NBPF11: variants seen among roughly 807,000 people sequenced by gnomAD.
NBPF11 encodes NBPF family member NBPF11.
In NBPF11, 72 loss-of-function variants were observed where a neutral mutation model predicts 93.9. The observed-to-expected ratio is 0.77, with a 90% confidence interval of 0.63 to 0.93. NBPF11 has a LOEUF of 0.93. Among genes scored for constraint, NBPF11 ranks in the 40% least tolerant of loss-of-function variants. The probability of loss-of-function intolerance (pLI) is 0.00; values close to 1 mark genes in which losing one functional copy is unlikely to be tolerated. For synonymous variants in NBPF11, 224 were observed against 304.9 expected (o/e 0.73, Z 2.76); for missense variants, 705 against 802.2 (o/e 0.88, Z 1.46).
chr1:148,119,365 G>A (rs1215210639), intron 10 of NBPF11, among the ~76,000 whole-genome samples: 11 of 152,048 alleles, frequency 7.2e-5, no homozygotes, highest in African/African-American at 2.2e-4. Flanking sequence ...GCCAATAAAC[G>A]TTCTAGGAGA....
chr1:148,108,818 AGG>A (rs1664471476), intron 17 of NBPF11, among the ~76,000 whole-genome samples, 164 bp from the exon 18 acceptor site: 2 of 147,336 alleles, frequency 1.4e-5, no homozygotes, highest in Non-Finnish European at 3.0e-5. Context: ...GACTAGGGCC[AGG>A]TAGAAAAGGA....
chr1:148,117,026 C>A (rs1172015133), intron 12 of NBPF11, among the ~76,000 whole-genome samples: 1 of 152,108 alleles, frequency 6.6e-6, no homozygotes, highest in Non-Finnish European at 1.5e-5. Flanking sequence ...TGAAGCACTT[C>A]CTACCACAAA....
intron 4 of NBPF11, among the ~76,000 whole-genome samples, chr1:148,131,193 T>C (rs1425477707): frequency 6.8e-5 from 10 of 147,322 alleles, no homozygotes; most frequent in Non-Finnish European, 1.5e-4. Context: ...AGTGCCCTTA[T>C]ACAAAGGCTG....
chr1:148,130,899 T>G (rs1478547176), intron 4 of NBPF11, among the ~76,000 whole-genome samples: 1 of 152,012 alleles, frequency 6.6e-6, no homozygotes, highest in Non-Finnish European at 1.5e-5. Flanking sequence ...TGTTCTTTTG[T>G]GTCTGCCTTC....
intron 14 of NBPF11, among the ~76,000 whole-genome samples, chr1:148,115,418 C>A (rs1297831427): frequency 1.3e-5 from 2 of 149,898 alleles, no homozygotes; most frequent in Non-Finnish European, 3.0e-5. Flanking sequence ...TTTCCAAATA[C>A]AAAGGCAAGG....
intron 19 of NBPF11, among the ~76,000 whole-genome samples, chr1:148,107,405 G>A (rs1376290222): frequency 4.0e-5 from 6 of 151,134 alleles, no homozygotes; most frequent in Admixed American, 2.6e-4. Flanking sequence ...TAGTGCCCTC[G>A]GGACACACAG....
chr1:148,118,132 G>A (rs1351665422), intron 11 of NBPF11, among the ~76,000 whole-genome samples: 7 of 146,742 alleles, frequency 4.8e-5, no homozygotes, highest in East Asian at 2.0e-4. Context: ...TGCATCTTGC[G>A]GCCATTAGAT....
chr1:148,148,477 G>T (rs1647312057), intron 1 of NBPF11, among the ~76,000 whole-genome samples: 2 of 152,038 alleles, frequency 1.3e-5, no homozygotes, highest in Middle Eastern at 3.2e-3. Context: ...TGACCTGGGG[G>T]TGAGGGTGCC....
intron 22 of NBPF11, among the ~76,000 whole-genome samples, chr1:148,105,152 TGA>T (rs1663233867): frequency 1.5e-5 from 2 of 135,948 alleles, no homozygotes; most frequent in Non-Finnish European, 3.1e-5. Flanking sequence ...AGGCATGGCC[TGA>T]GACTAGGAAG....
chr1:148,119,646 CTTATTT>C (rs1197130903), intron 10 of NBPF11, among the ~76,000 whole-genome samples: 3 of 151,926 alleles, frequency 2.0e-5, no homozygotes, highest in Non-Finnish European at 2.9e-5. Flanking sequence ...GCTTTTTATT[CTTATTT>C]TTATTTATCA....
rs1666177688 is a variant in NBPF11 at position 148,115,162 on chromosome 1, C to CGCAAAAAAAAAAAAAAA, written c.1585+630_1585+631insTTTTTTTTTTTTTTTGC. On this transcript the variant is annotated intron_variant, in intron 14 of 23. Coordinates refer to ENST00000682118, the MANE Select transcript of NBPF11 (RefSeq NM_001385469.3). ...CCTAGGTGACAGAGCAGGACTCCAT[C>CGCAAAAAAAAAAAAAAA]ACAAAAAAAAAAAAAAAAAAAAAAA... is the stretch of plus-strand genomic sequence containing the variant. Among the ~76,000 whole-genome samples, 2 of 15,178 alleles carry CGCAAAAAAAAAAAAAAA rather than the reference C, an allele frequency of 1.3e-4. 1 individual carries two copies. Among genetic ancestry groups the CGCAAAAAAAAAAAAAAA allele is most frequent in the African/African-American group, 1.0e-3 (2 of 1,960 alleles). 10.0% of individuals were successfully genotyped at this position (15,178 alleles called of 152,430 possible).
intron 10 of NBPF11, among the ~76,000 whole-genome samples, chr1:148,120,159 C>T (rs1667491644): frequency 6.6e-6 from 1 of 152,062 alleles, no homozygotes; most frequent in South Asian, 2.1e-4. Context: ...GAACAACAGA[C>T]TAGATGTTAT....
chr1:148,111,848 A>C (rs1189730255), intron 15 of NBPF11, among the ~76,000 whole-genome samples: 1 of 151,124 alleles, frequency 6.6e-6, no homozygotes, highest in Non-Finnish European at 1.5e-5. Flanking sequence ...ATCCAGGAGG[A>C]CTTCCCCAAC....
chr1:148,104,611 C>T lies in NBPF11; in HGVS notation c.2507G>A (p.Gly836Glu). ...TTCTTTTCTTCTTTGATCTTCTTCC[C>T]CTTCTTTTCTTCCCCTTCCCCTTCT... ...LKRRGRGRKE[G>E]EEDQRRKEEG... is the part of the protein sequence containing the mutation. The change falls in exon 23 of 24, where the codon GGG (glycine) becomes GAG (glutamate). Residue 836 changes from glycine (G) to glutamate (E), a missense_variant. Gly to Glu is a moderately conservative substitution (Grantham distance 98, BLOSUM62 -2). Coordinates refer to ENST00000682118, the MANE Select transcript of NBPF11 (RefSeq NM_001385469.3). 5.2e-6 allele frequency: 3 copies of T among 581,684 alleles called. No individual in the cohort carries two copies. Among genetic ancestry groups the T allele is most frequent in the Admixed American group, 6.2e-5 (2 of 32,264 alleles). 36.0% of individuals were successfully genotyped at this position (581,684 alleles called of 1,614,324 possible).
chr1:148,104,653 A>G lies in NBPF11; in HGVS notation c.2473-8T>C. 1 of 548,246 alleles carries G rather than the reference A, an allele frequency of 1.8e-6. No individual in the cohort carries two copies. Among genetic ancestry groups the G allele is most frequent in the Non-Finnish European group, 3.1e-6 (1 of 319,120 alleles). The allele number at this position is 548,246 out of a possible 1,614,324, so 34.0% of individuals were successfully genotyped here. ...TCCCCTTCTTTTCAATTTCTGCAAT[A>G]AATTCAGACATGGACAGACACATTA... On this transcript the variant is annotated splice_region_variant and splice_polypyrimidine_tract_variant and intron_variant, in intron 22 of 23. Transcript: ENST00000682118.
chr1:148,149,538 C>T (rs1469827421), intron 1 of NBPF11: 207 of 1,594,014 alleles, frequency 1.3e-4, no homozygotes, highest in Non-Finnish European at 1.7e-4. Flanking sequence ...CGCTTCATCT[C>T]CCAGGAGCTG....
At chr1:148,136,898 T>C (rs1156548012) in intron 3 of NBPF11, among the ~76,000 whole-genome samples, 1 of 151,960 alleles carries the variant, frequency 6.6e-6, no homozygotes, top group Non-Finnish European at 1.5e-5. Context: ...TTTTAAGCTT[T>C]TGATCTGATG....
chr1:148,122,580 G>C (rs1371809005), intron 8 of NBPF11, 149 bp downstream of exon 8: 3 of 1,197,838 alleles, frequency 2.5e-6, no homozygotes, highest in East Asian at 2.3e-5. Context: ...AACAGCTGCC[G>C]CACCCTGTGT....
At chr1:148,136,943 C>T (rs1361078596) in intron 3 of NBPF11, among the ~76,000 whole-genome samples, 15 of 151,820 alleles carry the variant, frequency 9.9e-5, no homozygotes, top group African/African-American at 3.6e-4. Flanking sequence ...TGAACTAATG[C>T]TTTAATGACA....
Sources: gnomAD v4.1 joint callset for allele counts (sites outside exome capture counted in the v4.1 genomes callset) on GRCh38, gnomAD v4.1.1 for gene constraint, MANE v1.5 for transcripts, NCBI Gene and HGNC (gene_info 2026-07-23, HGNC 2026-07-21) for gene names.